Variants in RBFOX1 observed in about 807,000 individuals in gnomAD.
RBFOX1 encodes RNA binding protein fox-1 homolog 1.
Under a neutral mutation model 57.7 loss-of-function variants are expected in RBFOX1, and 8 were observed. The observed-to-expected ratio is 0.14, with a 90% CI of 0.08 to 0.25. RBFOX1 has a LOEUF of 0.25. Among genes scored for constraint, RBFOX1 ranks in the 10% least tolerant of loss-of-function variants. RBFOX1 has a pLI of 1.00. For synonymous variants in RBFOX1, 326 were observed against 222.4 expected (o/e 1.47, Z -4.15); for missense variants, 611 against 548.5 (o/e 1.11, Z -1.14).
chr16:6,288,461 A>T (rs1012091087), intron 1 of RBFOX1, among the ~76,000 whole-genome samples: 1 of 152,192 alleles, frequency 6.6e-6, no homozygotes, highest in Non-Finnish European at 1.5e-5. Context: ...CAAGGATTTT[A>T]AACAAATAAG....
intron 1 of RBFOX1, among the ~76,000 whole-genome samples, chr16:6,251,648 C>G (rs539535361): frequency 1.3e-5 from 2 of 152,228 alleles, no homozygotes; most frequent in South Asian, 2.1e-4. Flanking sequence ...AGCTAAAACT[C>G]TGCTCGAAGC....
At chr16:7,221,578 G>T (rs1603340666) in intron 4 of RBFOX1, among the ~76,000 whole-genome samples, 1 of 152,058 alleles carries the variant, frequency 6.6e-6, no homozygotes, top group Non-Finnish European at 1.5e-5. Flanking sequence ...TGTTGGCCAG[G>T]GTAGTCTTGA....
chr16:6,338,250 A>C (rs2084039210), intron 2 of RBFOX1, among the ~76,000 whole-genome samples: 1 of 152,164 alleles, frequency 6.6e-6, no homozygotes. Flanking sequence ...CTACACCTGT[A>C]TTCCTTTTGA....
intron 2 of RBFOX1, among the ~76,000 whole-genome samples, chr16:6,488,132 A>C (rs1352398235): frequency 6.6e-6 from 1 of 152,264 alleles, no homozygotes. Context: ...GAAGACCCCT[A>C]AAGGGCTGTA....
At chr16:5,793,577 C>T (rs766322725) in intron 3 of RBFOX1, among the ~76,000 whole-genome samples, 7 of 152,178 alleles carry the variant, frequency 4.6e-5, no homozygotes, top group Non-Finnish European at 7.4e-5. Flanking sequence ...TCTTCAGCCC[C>T]CAGGCCCCTC....
At chr16:6,314,931 G>C (rs1555620883) in intron 1 of RBFOX1, among the ~76,000 whole-genome samples, 2 of 152,160 alleles carry the variant, frequency 1.3e-5, no homozygotes, top group Non-Finnish European at 2.9e-5. Context: ...CCTTTACGAT[G>C]TCAGCTCCGT....
chr16:6,774,091 A>T, intron 3 of RBFOX1: 3 of 816,336 alleles, frequency 3.7e-6, no homozygotes, highest in Non-Finnish European at 4.4e-6. Flanking sequence ...GCTTTAAATT[A>T]CCAAGAATTG....
chr16:7,444,740 C>T (rs1402423407), intron 4 of RBFOX1, among the ~76,000 whole-genome samples: 1 of 152,124 alleles, frequency 6.6e-6, no homozygotes, highest in Non-Finnish European at 1.5e-5. Flanking sequence ...CTACGTTGCC[C>T]AGGCTGGTCC....
intron 3 of RBFOX1, among the ~76,000 whole-genome samples, chr16:6,815,396 C>T (rs1429322647): frequency 1.3e-5 from 2 of 152,190 alleles, no homozygotes; most frequent in African/African-American, 4.8e-5. Context: ...CAGTAGATCT[C>T]AGCCTTACTT....
chr16:6,756,334 A>T (rs2075782833), intron 3 of RBFOX1, among the ~76,000 whole-genome samples: 1 of 152,216 alleles, frequency 6.6e-6, no homozygotes, highest in Admixed American at 6.5e-5. Context: ...AAAATGCATT[A>T]AAGATTGAAA....
chr16:5,839,512 A>T (rs762082583), intron 3 of RBFOX1, among the ~76,000 whole-genome samples: 1 of 152,196 alleles, frequency 6.6e-6, no homozygotes, highest in African/African-American at 2.4e-5. Flanking sequence ...AACATTTATT[A>T]AGCGCTACAT....
intron 3 of RBFOX1, among the ~76,000 whole-genome samples, chr16:6,881,292 C>T (rs1053659188): frequency 6.6e-6 from 1 of 152,192 alleles, no homozygotes; most frequent in Non-Finnish European, 1.5e-5. Flanking sequence ...GGGGTAAAAC[C>T]TATCGTTGAC....
At chr16:7,595,034 T>C (rs2094615866) in intron 7 of RBFOX1, among the ~76,000 whole-genome samples, 1 of 152,194 alleles carries the variant, frequency 6.6e-6, no homozygotes, top group South Asian at 2.1e-4. Context: ...CTGACAAATT[T>C]GAATAACCCT....
In RBFOX1 at chr16:5,847,112, G is replaced by A. The variant is rs551410011; in HGVS notation, c.319-20191G>A. Reference sequence around the variant, plus strand: ...TCCGAAGTGGCTGTGCAAGGGCCAGGCTGTTCTCTGGAAGTCATTTGAAGA... The same window carrying A: ...TCCGAAGTGGCTGTGCAAGGGCCAGACTGTTCTCTGGAAGTCATTTGAAGA... On this transcript the variant is annotated intron_variant, in intron 3 of 19. Transcript: ENST00000641259. 7.6e-4 allele frequency among the ~76,000 whole-genome samples: 116 copies of A among 152,290 alleles called. 1 individual carries two copies. Among genetic ancestry groups the A allele is most frequent in the African/African-American group, 2.6e-3 (110 of 41,558 alleles).
At chr16:6,287,115 CA>C (rs1164139115) in intron 1 of RBFOX1, among the ~76,000 whole-genome samples, 5 of 152,058 alleles carry the variant, frequency 3.3e-5, no homozygotes, top group African/African-American at 1.2e-4. Flanking sequence ...ACACCTCACC[CA>C]AGGGTATTCA....
intron 1 of RBFOX1, among the ~76,000 whole-genome samples, chr16:5,352,434 C>A (rs941044497): frequency 6.6e-6 from 1 of 152,226 alleles, no homozygotes; most frequent in Non-Finnish European, 1.5e-5. Flanking sequence ...ACCCTATCTA[C>A]CCTTCACCGG....
At chr16:5,828,740 G>C (rs1057316971) in intron 3 of RBFOX1, among the ~76,000 whole-genome samples, 1 of 152,136 alleles carries the variant, frequency 6.6e-6, no homozygotes, top group African/African-American at 2.4e-5. Context: ...AAAGTTGAGA[G>C]TGGAGGATTT....
rs113522847 is a variant in RBFOX1, at chr16:6,831,351, C to T, written c.-16+176701C>T. 8.3e-4 allele frequency among the ~76,000 whole-genome samples: 126 copies of T among 152,176 alleles called. 1 individual carries two copies. Among genetic ancestry groups the T allele is most frequent in the African/African-American group, 2.9e-3 (119 of 41,526 alleles). ...TTTTCCAATGTCTTATTAGATGATA[C>T]GTATTTTCTAGATTTTACTGAGTTA... On this transcript the variant is annotated intron_variant, in intron 3 of 15. Transcript: ENST00000550418.
chr16:5,865,630 T>G (rs949174647), intron 3 of RBFOX1, among the ~76,000 whole-genome samples: 3 of 152,232 alleles, frequency 2.0e-5, no homozygotes, highest in African/African-American at 7.2e-5. Flanking sequence ...CTGCAGGGGC[T>G]GGTCAGCTAA....
Sources: allele counts gnomAD v4.1 joint callset (sites outside exome capture counted in the v4.1 genomes callset), GRCh38; gene constraint gnomAD v4.1.1; transcripts MANE v1.5; gene names NCBI Gene and HGNC (gene_info 2026-07-23, HGNC 2026-07-21).